PAK3: variants seen among roughly 807,000 people sequenced by gnomAD.
PAK3 encodes p21 (RAC1) activated kinase 3.
In PAK3, 4 loss-of-function variants were observed where a neutral mutation model predicts 41.0. That is an observed-to-expected ratio of 0.10 (90% CI 0.05 to 0.22). The LOEUF (loss-of-function observed/expected upper bound fraction) is 0.22, where lower values mean the gene tolerates loss of function less well. PAK3 is among the 10% of genes least tolerant of loss of function. The pLI is 1.00. For missense variants in PAK3, 205 were observed against 409.9 expected (o/e 0.50, Z 4.32); for synonymous variants, 146 against 139.6 (o/e 1.05, Z -0.32).
At chrX:111,135,295 T>A (rs938845493) in intron 5 of PAK3, among the ~76,000 whole-genome samples, 2 of 111,743 alleles carry the variant, frequency 1.8e-5, no homozygotes, top group African/African-American at 6.5e-5. Context: ...TTCCTGTTTT[T>A]GATAGAGAAA....
Position 111,162,954 on chromosome X carries a change from G to A in PAK3, c.508G>A (p.Val170Met). The part of the protein sequence containing the change: ...TASEPPLAPP[V>M]SEEEDEEEEE... ...ATCTGAGCCTCCATTGGCCCCTCCT[G>A]TGTCTGAAGAAGAAGATGAAGAGGA... Residue 170 changes from valine to methionine, a missense_variant, in exon 9 of 18, where the codon GTG becomes ATG. Physicochemically the swap from Val to Met is conservative, Grantham distance 21. Transcript: ENST00000372007. 8.3e-7 allele frequency: 1 copy of A among 1,206,622 alleles called. No individual in the cohort carries two copies. Among genetic ancestry groups the A allele is most frequent in the Non-Finnish European group, 1.1e-6 (1 of 891,132 alleles).
chrX:111,142,954 C>A (rs753937084), intron 6 of PAK3, among the ~76,000 whole-genome samples: 1 of 109,890 alleles, frequency 9.1e-6, no homozygotes, highest in South Asian at 3.9e-4. Flanking sequence ...TTATACTTTT[C>A]TTTTTTAAAA....
At chrX:111,008,479 G>A (rs2091965324) in intron 1 of PAK3, among the ~76,000 whole-genome samples, 1 of 112,854 alleles carries the variant, frequency 8.9e-6, no homozygotes, top group African/African-American at 3.2e-5. Context: ...TCATTTCCCT[G>A]AGGGCGGAGG....
intron 1 of PAK3, among the ~76,000 whole-genome samples, chrX:111,047,513 T>A (rs958336633): frequency 9.1e-6 from 1 of 109,992 alleles, no homozygotes; most frequent in Non-Finnish European, 1.9e-5. Flanking sequence ...GAAGCATGAG[T>A]AGTCTTTCAA....
At chrX:110,949,268 TTC>T (rs2090690539) in intron 1 of PAK3, among the ~76,000 whole-genome samples, 1 of 111,293 alleles carries the variant, frequency 9.0e-6, no homozygotes, top group Non-Finnish European at 1.9e-5. Flanking sequence ...AAGACCATGC[TTC>T]TCTCTCTCCC....
At chrX:111,171,645 ATGTT>A (rs1262141782) in intron 10 of PAK3, among the ~76,000 whole-genome samples, 2 of 112,051 alleles carry the variant, frequency 1.8e-5, no homozygotes, top group Admixed American at 1.9e-4. Flanking sequence ...TACTAAAAAA[ATGTT>A]TGGAGCAATC....
At chrX:111,219,417 A>G (rs2094910167) in intron 17 of PAK3, among the ~76,000 whole-genome samples, 1 of 110,186 alleles carries the variant, frequency 9.1e-6, no homozygotes, top group Non-Finnish European at 1.9e-5. Flanking sequence ...TATGTAACTT[A>G]CAAGGGATTG....
intron 1 of PAK3, among the ~76,000 whole-genome samples, chrX:111,016,105 C>T (rs975500447): frequency 2.4e-4 from 27 of 112,590 alleles, no homozygotes; most frequent in Admixed American, 6.6e-4. Context: ...CTCTGTGCCA[C>T]GCACATAGTA....
At chrX:111,110,258 C>A (rs767755157) in intron 4 of PAK3, among the ~76,000 whole-genome samples, 2 of 112,057 alleles carry the variant, frequency 1.8e-5, no homozygotes, top group Admixed American at 9.4e-5. Flanking sequence ...CTACTGGTGA[C>A]GTGATCACCC....
intron 10 of PAK3, among the ~76,000 whole-genome samples, chrX:111,165,611 G>A (rs778548514): frequency 2.2e-4 from 25 of 112,196 alleles, no homozygotes; most frequent in Admixed American, 7.6e-4. Context: ...GAATTGCCTC[G>A]ATAATTTAAG....
intron 1 of PAK3, among the ~76,000 whole-genome samples, chrX:111,079,427 T>G (rs5943125): frequency 9.0e-6 from 1 of 111,070 alleles, no homozygotes; most frequent in Non-Finnish European, 1.9e-5. Flanking sequence ...GAACAAAGCC[T>G]GGATGACAGC....
chrX:111,073,367 T>C (rs1297585697), intron 1 of PAK3, among the ~76,000 whole-genome samples: 1 of 110,988 alleles, frequency 9.0e-6, no homozygotes, highest in Non-Finnish European at 1.9e-5. Context: ...AAAGAAATAA[T>C]AAAAATCAGT....
chrX:110,995,886 G>A (rs978641099), intron 1 of PAK3, among the ~76,000 whole-genome samples: 2 of 111,503 alleles, frequency 1.8e-5, no homozygotes, highest in African/African-American at 3.3e-5. Context: ...TTGAATGCCA[G>A]CCTTGCCCCA....
At chrX:111,069,237 G>A (rs1318538015) in intron 1 of PAK3, among the ~76,000 whole-genome samples, 1 of 111,837 alleles carries the variant, frequency 8.9e-6, no homozygotes, top group Non-Finnish European at 1.9e-5. Flanking sequence ...GACACATCAT[G>A]TTGACTTATC....
chrX:111,070,100 G>T (rs2092730564), intron 1 of PAK3, among the ~76,000 whole-genome samples: 1 of 110,948 alleles, frequency 9.0e-6, no homozygotes, highest in Admixed American at 9.6e-5. Context: ...TGGGTACAAG[G>T]TAATCCTGAG....
intron 1 of PAK3, among the ~76,000 whole-genome samples, chrX:110,950,581 C>G (rs1272861630): frequency 9.0e-6 from 1 of 111,534 alleles, no homozygotes; most frequent in Admixed American, 9.5e-5. Context: ...CTCCTTGTCC[C>G]CCAACCCGTG....
At chrX:111,173,578 C>T (rs1452694358) in intron 11 of PAK3, among the ~76,000 whole-genome samples, 2 of 111,032 alleles carry the variant, frequency 1.8e-5, no homozygotes, top group East Asian at 5.7e-4. Context: ...ACAATAATCC[C>T]TAAATGAGAC....
At chrX:111,131,652 G>A (rs995105872) in intron 5 of PAK3, among the ~76,000 whole-genome samples, 1 of 111,823 alleles carries the variant, frequency 8.9e-6, no homozygotes, top group African/African-American at 3.2e-5. Flanking sequence ...CCTGTGTACA[G>A]GGAAATGTAC....
intron 12 of PAK3, 36 bp downstream of exon 12, chrX:111,192,211 T>C (rs757734480): frequency 2.2e-6 from 2 of 897,957 alleles, no homozygotes; most frequent in Non-Finnish European, 3.3e-6. Context: ...TTTTATTTTC[T>C]TTTATTCATA....
Sources: allele counts gnomAD v4.1 joint callset (sites outside exome capture counted in the v4.1 genomes callset), GRCh38; gene constraint gnomAD v4.1.1; transcripts MANE v1.5; gene names NCBI Gene and HGNC (gene_info 2026-07-23, HGNC 2026-07-21).